Variants in MRPS11 observed in about 807,000 individuals in gnomAD.
MRPS11 encodes mitochondrial ribosomal protein S11.
Under a neutral mutation model 24.3 loss-of-function variants are expected in MRPS11, and 27 were observed. The observed-to-expected ratio is 1.11, with a 90% CI of 0.82 to 1.53. The LOEUF is 1.53. Ranked by LOEUF, MRPS11 falls within the 40% of genes most tolerant of loss-of-function variation. The probability of loss-of-function intolerance (pLI) is 0.00; values close to 1 mark genes in which losing one functional copy is unlikely to be tolerated. For missense variants in MRPS11, 277 were observed against 256.5 expected (o/e 1.08, Z -0.55); for synonymous variants, 104 against 98.7 (o/e 1.05, Z -0.32).
In MRPS11 at chr15:88,474,975, T is replaced by A. The variant is rs16941934; in HGVS notation, c.282-135T>A. The A allele has an allele frequency of 7.0e-3, 7,105 of 1,015,956 alleles. 380 individuals are homozygous for A. The African/African-American group carries it at 0.1, about 15-fold the overall frequency. The allele number at this position is 1,015,956 out of a possible 1,614,324, so 62.9% of individuals were successfully genotyped here. A position where few individuals can be genotyped will look rare whatever the true frequency, so the allele number is the denominator to read the frequency against. Reference sequence around the variant, plus strand: ...CTTCCTGTAGGAGTTCAAAACATGTTCATCTGAGAAGCTCAAAGTAGAAGC... The same window carrying A: ...CTTCCTGTAGGAGTTCAAAACATGTACATCTGAGAAGCTCAAAGTAGAAGC... On this transcript the variant is annotated intron_variant, in intron 3 of 5. Coordinates refer to ENST00000325844, the MANE Select transcript of MRPS11 (RefSeq NM_022839.5).
Position 88,478,180 on chromosome 15 carries a change from C to T in MRPS11, c.*201C>T, listed in dbSNP as rs1020799291. ...TGTGCCCCAGAAGTAAGCTTTGCAT[C>T]TCTTACAAGAGGGGAGCTACAGGGG... On this transcript the variant is annotated 3_prime_UTR_variant, in exon 6 of 6. Coordinates refer to ENST00000325844, the MANE Select transcript of MRPS11 (RefSeq NM_022839.5). The surrounding 1 kb of genome is among the most constrained non-coding windows in gnomAD (Gnocchi z 4.7). 1.0e-5 allele frequency: 6 copies of T among 588,516 alleles called. No homozygotes were observed. Among genetic ancestry groups the T allele is most frequent in the Non-Finnish European group, 1.8e-5 (6 of 330,830 alleles). 36.5% of individuals were successfully genotyped at this position (588,516 alleles called of 1,614,324 possible).
chr15:88,470,256 A>G (rs546924611), intron 2 of MRPS11, among the ~76,000 whole-genome samples: 24 of 152,318 alleles, frequency 1.6e-4, no homozygotes, highest in African/African-American at 5.5e-4. Context: ...CGGAGGTTGC[A>G]GTGAGCCAAG....
At chr15:88,476,892 C>T in intron 4 of MRPS11, 97 bp from the exon 5 acceptor site, 1 of 1,270,934 alleles carries the variant, frequency 7.9e-7, no homozygotes, top group Non-Finnish European at 1.1e-6. Context: ...ATGCCCTTTC[C>T]CTGAGCTCAC....
chr15:88,476,950 TTC>T lies in MRPS11; in HGVS notation c.412-32_412-31del, dbSNP rs759524295. 77 of 1,602,288 alleles carry T rather than the reference TTC, an allele frequency of 4.8e-5. No individual in the cohort carries two copies. The African/African-American group carries it at 9.7e-4, about 20-fold the overall frequency. ...GTAGCAAGAGATTTGGATGCAGTAG[TTC>T]TCTCTCCGGGGCACTAACCACTCTG... On this transcript the variant is annotated intron_variant, in intron 4 of 5. Transcript: ENST00000325844.
chr15:88,468,139 C>T (rs28427200), intron 2 of MRPS11, 115 bp downstream of exon 2: 1 of 1,473,588 alleles, frequency 6.8e-7, no homozygotes, highest in South Asian at 1.4e-5. Flanking sequence ...TCCGTGGGAC[C>T]TTATGCAAAT....
Position 88,475,119 on chromosome 15 carries a change from C to G in MRPS11, c.291C>G (p.Ile97Met), listed in dbSNP as rs752630078. 4 of 1,614,086 alleles carry G rather than the reference C, an allele frequency of 2.5e-6. No homozygotes were observed. The highest frequency in any genetic ancestry group is 1.7e-5 in the Admixed American group (1 of 60,008). ...HIKASHNNTQ[I>M]QVVSASNEPL... ...CTTCTACTTTTCTCAGCACACAGAT[C>G]CAGGTAGTCTCTGCTAGTAATGAGC... Residue 97 changes from isoleucine (I) to methionine (M), a missense_variant, in exon 4 of 6, where the codon ATC (isoleucine) becomes ATG (methionine). Coordinates refer to ENST00000325844, the MANE Select transcript of MRPS11 (RefSeq NM_022839.5). The surrounding 1 kb of genome is among the most constrained non-coding windows in gnomAD (Gnocchi z 4.1).
chr15:88,472,623 G>T lies in MRPS11; in HGVS notation c.183-4G>T. The stretch of plus-strand genomic sequence containing the variant: ...TTTAAATAAAATCTTTCTTCTAATT[G>T]CAGCATTTACCCTCCCATTCCAGGA... On this transcript the variant is annotated splice_polypyrimidine_tract_variant and splice_region_variant and intron_variant, in intron 2 of 5. Transcript: ENST00000325844. 3.1e-6 allele frequency: 5 copies of T among 1,608,230 alleles called. No individual in the cohort carries two copies. The highest frequency in any genetic ancestry group is 4.3e-6 in the Non-Finnish European group (5 of 1,176,436).
rs1424504891 is a variant in MRPS11, at chr15:88,478,009, C to T, written c.*30C>T. On this transcript the variant is annotated 3_prime_UTR_variant, in exon 6 of 6. Coordinates refer to ENST00000325844, the MANE Select transcript of MRPS11 (RefSeq NM_022839.5). This position sits in a 1 kb window ranked among gnomAD's most constrained non-coding sequence, Gnocchi z 4.7. Reference sequence around the variant, plus strand: ...AAGGAGGCCTGCACTTGGACCTGACCTCAAGCCTCAGCTCCAGTGGGACCT... The same window carrying T: ...AAGGAGGCCTGCACTTGGACCTGACTTCAAGCCTCAGCTCCAGTGGGACCT... 6.4e-7 allele frequency: 1 copy of T among 1,562,936 alleles called. No homozygotes were observed. Among genetic ancestry groups the T allele is most frequent in the Admixed American group, 1.7e-5 (1 of 59,930 alleles).
At chr15:88,470,185 T>G (rs899611216) in intron 2 of MRPS11, among the ~76,000 whole-genome samples, 3 of 152,048 alleles carry the variant, frequency 2.0e-5, no homozygotes, top group Non-Finnish European at 4.4e-5. Flanking sequence ...TGTGGTGGCG[T>G]GGGTCTATAA....
In MRPS11 at chr15:88,479,188, T is replaced by C. The variant is rs997194610; in HGVS notation, c.*1209T>C. ...CCAGGCAGGACTGACTGCTCCTCTGTTGGGGCTCTAGGGTTCCTGGATACG... is the reference window on the plus strand; with the variant it reads ...CCAGGCAGGACTGACTGCTCCTCTGCTGGGGCTCTAGGGTTCCTGGATACG... On this transcript the variant is annotated 3_prime_UTR_variant, in exon 6 of 6. Transcript: ENST00000325844. 6.6e-6 allele frequency: 1 copy of C among 152,118 alleles called. No individual in the cohort carries two copies. The highest frequency in any genetic ancestry group is 1.5e-5 in the Non-Finnish European group (1 of 68,046). The allele number at this position is 152,118 out of a possible 1,614,324, so 9.4% of individuals were successfully genotyped here.
intron 4 of MRPS11, 109 bp from the exon 5 acceptor site, chr15:88,476,880 G>T: frequency 9.3e-7 from 1 of 1,080,906 alleles, no homozygotes. Context: ...TTACTTCTCT[G>T]GATGCCCTTT....
intron 3 of MRPS11, among the ~76,000 whole-genome samples, chr15:88,473,150 A>G (rs1442762174): frequency 6.6e-6 from 1 of 152,222 alleles, no homozygotes; most frequent in East Asian, 1.9e-4. Flanking sequence ...AGACCTCTAA[A>G]TAGATATTGT....
intron 2 of MRPS11, chr15:88,468,347 C>A (rs2055599934): frequency 8.9e-6 from 10 of 1,129,266 alleles, no homozygotes; most frequent in Non-Finnish European, 1.1e-5. Flanking sequence ...ACCTTCCCTG[C>A]CTCCAAAACA....
intron 3 of MRPS11, among the ~76,000 whole-genome samples, chr15:88,473,451 G>A (rs2055758063): frequency 6.6e-6 from 1 of 152,228 alleles, no homozygotes. Flanking sequence ...GCTAAAGTGT[G>A]TGGCACAGAT....
chr15:88,476,760 TG>T, intron 4 of MRPS11: 1 of 456,656 alleles, frequency 2.2e-6, no homozygotes, highest in Non-Finnish European at 3.9e-6. Context: ...GTGGCGGTGC[TG>T]TCCTAGGCTA....
At chr15:88,470,251 G>A (rs904712123) in intron 2 of MRPS11, among the ~76,000 whole-genome samples, 3 of 152,164 alleles carry the variant, frequency 2.0e-5, no homozygotes, top group Non-Finnish European at 4.4e-5. Context: ...GGAGACGGAG[G>A]TTGCAGTGAG....
chr15:88,473,099 C>G (rs2055749906), intron 3 of MRPS11, among the ~76,000 whole-genome samples: 1 of 152,156 alleles, frequency 6.6e-6, no homozygotes, highest in Non-Finnish European at 1.5e-5. Flanking sequence ...AGATATGATT[C>G]AAGATATTAA....
At chr15:88,471,564 A>G (rs1008101576) in intron 2 of MRPS11, among the ~76,000 whole-genome samples, 9 of 152,194 alleles carry the variant, frequency 5.9e-5, no homozygotes, top group African/African-American at 1.7e-4. Flanking sequence ...AAAGCTCTAG[A>G]CTGAGACAGA....
Position 88,475,215 on chromosome 15 carries a change from G to A in MRPS11, c.387G>A (p.Gln129=), listed in dbSNP as rs2055796997. 1 of 1,614,254 alleles carries A rather than the reference G, an allele frequency of 6.2e-7. No individual in the cohort carries two copies. The highest frequency in any genetic ancestry group is 1.3e-5 in the African/African-American group (1 of 75,072). The change falls in exon 4 of 6, where the codon CAG becomes CAA. Residue 129 remains glutamine, a synonymous_variant. Transcript: ENST00000325844. This position sits in a 1 kb window ranked among gnomAD's most constrained non-coding sequence, Gnocchi z 4.1. ...AGAAGGGCACAGGCATCGCAGCACA[G>A]ACAGCAGGCATAGCCGCAGCGGCGG... The part of the protein sequence containing the change: ...NAKKGTGIAA[Q]TAGIAAAARA...
Sources: allele counts gnomAD v4.1 joint callset (sites outside exome capture counted in the v4.1 genomes callset), GRCh38; gene constraint gnomAD v4.1.1; non-coding constraint Gnocchi (gnomAD v3.1); transcripts MANE v1.5; gene names NCBI Gene and HGNC (gene_info 2026-07-23, HGNC 2026-07-21).